Variants in TNS3 observed in about 807,000 individuals in gnomAD.
TNS3 encodes the protein tensin 3.
A neutral mutation model predicts 140.9 loss-of-function variants in TNS3; 45 were observed. The ratio of observed to expected loss-of-function variants is 0.32; its 90% CI spans 0.25 to 0.41. TNS3 has a LOEUF of 0.41. TNS3 is among the 10% of genes least tolerant of loss of function. TNS3 has a pLI of 1.00. For missense variants in TNS3, 1,716 were observed against 1,906.7 expected (o/e 0.90, Z 1.86); for synonymous variants, 815 against 788.4 (o/e 1.03, Z -0.56).
At chr7:47,454,967 G>A (rs1041871098) in intron 4 of TNS3, among the ~76,000 whole-genome samples, 2 of 152,150 alleles carry the variant, frequency 1.3e-5, no homozygotes, top group African/African-American at 4.8e-5. Flanking sequence ...CTGCAGAGCT[G>A]CGTTCTGTCC....
At chr7:47,504,114 G>T (rs1232222186) in intron 3 of TNS3, among the ~76,000 whole-genome samples, 2 of 152,198 alleles carry the variant, frequency 1.3e-5, no homozygotes, top group Admixed American at 6.5e-5. Flanking sequence ...TCCAAGTCCA[G>T]GTCTCTGCCT....
intron 18 of TNS3, among the ~76,000 whole-genome samples, chr7:47,345,653 G>A (rs1789292936): frequency 6.6e-6 from 1 of 152,030 alleles, no homozygotes; most frequent in Non-Finnish European, 1.5e-5. Context: ...GCCTTACCTA[G>A]GCCTCTTGGA....
chr7:47,316,777 CAAAAAAAAAA>C (rs766794024), intron 20 of TNS3, among the ~76,000 whole-genome samples: 1 of 55,994 alleles, frequency 1.8e-5, no homozygotes, highest in Non-Finnish European at 4.1e-5. Context: ...GACTCCATCT[CAAAAAAAAAA>C]AAAAAAAAAA....
chr7:47,559,855 G>A (rs1457288647), intron 1 of TNS3, among the ~76,000 whole-genome samples: 2 of 152,180 alleles, frequency 1.3e-5, no homozygotes, highest in Non-Finnish European at 2.9e-5. Context: ...GGAAACCCTG[G>A]CCTTCACATT....
At chr7:47,406,712 A>G (rs1245131123) in intron 13 of TNS3, among the ~76,000 whole-genome samples, 1 of 152,124 alleles carries the variant, frequency 6.6e-6, no homozygotes, top group Non-Finnish European at 1.5e-5. Flanking sequence ...GCTCGTTAGG[A>G]TCCTCTCCAA....
Position 47,476,276 on chromosome 7 carries a change from G to A in TNS3, c.-76+4827C>T, listed in dbSNP as rs551162229. Among the ~76,000 whole-genome samples the A allele has an allele frequency of 3.6e-4, 55 of 152,274 alleles. No individual in the cohort carries two copies. The South Asian group carries it at 8.7e-3, about 24-fold the overall frequency. On this transcript the variant is annotated intron_variant, in intron 4 of 30. Transcript: ENST00000311160. ...ACACAGCTCACCAGTGTCATACCCC[G>A]GATGGGACTCAACCCAACTCTAGTC...
At chr7:47,510,398 G>A (rs12333417) in intron 2 of TNS3, among the ~76,000 whole-genome samples, 1,599 of 152,272 alleles carry the variant, frequency 0.011, 18 homozygotes, top group African/African-American at 0.036. Flanking sequence ...GCAGTTGTGT[G>A]AGCTGGCAGC....
chr7:47,306,643 C>T (rs1053805730), intron 20 of TNS3, among the ~76,000 whole-genome samples: 14 of 151,782 alleles, frequency 9.2e-5, no homozygotes, highest in Admixed American at 1.3e-4. Context: ...GGCGTGATCT[C>T]GACTCACTGC....
At chr7:47,289,384 C>A (rs1039725266) in intron 27 of TNS3, among the ~76,000 whole-genome samples, 1 of 152,180 alleles carries the variant, frequency 6.6e-6, no homozygotes, top group Non-Finnish European at 1.5e-5. Context: ...TGAAAGTCAG[C>A]AGTCCCCACT....
intron 2 of TNS3, among the ~76,000 whole-genome samples, chr7:47,508,842 T>A (rs1798509347): frequency 6.6e-6 from 1 of 152,188 alleles, no homozygotes; most frequent in South Asian, 2.1e-4. Context: ...AGCAGCCCTG[T>A]GGAGAGGCCC....
intron 20 of TNS3, among the ~76,000 whole-genome samples, chr7:47,320,098 A>G (rs997318107): frequency 1.3e-4 from 20 of 152,232 alleles, no homozygotes; most frequent in African/African-American, 4.6e-4. Context: ...TTCAGAAAAC[A>G]TAAGTTATCT....
At chr7:47,383,914 A>C (rs951654903) in intron 16 of TNS3, among the ~76,000 whole-genome samples, 3 of 152,174 alleles carry the variant, frequency 2.0e-5, no homozygotes, top group African/African-American at 4.8e-5. Context: ...CATTACCTGG[A>C]CTGCAGGTCA....
At chr7:47,386,527 T>C (rs914782894) in intron 16 of TNS3, among the ~76,000 whole-genome samples, 3 of 152,200 alleles carry the variant, frequency 2.0e-5, no homozygotes, top group African/African-American at 4.8e-5. Flanking sequence ...CTGGCTCACA[T>C]AGCAAAGTGG....
At chr7:47,437,238 G>A in intron 7 of TNS3, 25 bp downstream of exon 7, 1 of 1,519,172 alleles carries the variant, frequency 6.6e-7, no homozygotes, top group Non-Finnish European at 8.9e-7. Flanking sequence ...ACAAAATGCA[G>A]AATATAAAGG....
chr7:47,446,136 TAG>T (rs1795717222), intron 4 of TNS3, among the ~76,000 whole-genome samples: 1 of 152,182 alleles, frequency 6.6e-6, no homozygotes, highest in African/African-American at 2.4e-5. Context: ...TGTTTTGAGA[TAG>T]AGTCTTGCTG....
chr7:47,364,722 GT>G (rs1562641211), intron 17 of TNS3, among the ~76,000 whole-genome samples: 1 of 152,220 alleles, frequency 6.6e-6, no homozygotes. Flanking sequence ...CAAGAGGCAC[GT>G]CCTGGAAGAG....
At chr7:47,319,415 CAG>C (rs144100178) in intron 20 of TNS3, among the ~76,000 whole-genome samples, 123 of 147,430 alleles carry the variant, frequency 8.3e-4, no homozygotes, top group Admixed American at 8.8e-4. Context: ...GAGAGAGAGA[CAG>C]AGAGAGAGAG....
At chr7:47,508,646 G>C (rs1006863322) in intron 2 of TNS3, among the ~76,000 whole-genome samples, 1 of 152,236 alleles carries the variant, frequency 6.6e-6, no homozygotes, top group African/African-American at 2.4e-5. Context: ...GGGTGACCTC[G>C]TCTCTTGGCC....
chr7:47,473,904 C>G (rs1262114784), intron 4 of TNS3, among the ~76,000 whole-genome samples: 1 of 152,150 alleles, frequency 6.6e-6, no homozygotes, highest in African/African-American at 2.4e-5. Context: ...AGCTCCTCAT[C>G]ATCCATTTGG....
Sources: allele counts gnomAD v4.1 joint callset (sites outside exome capture counted in the v4.1 genomes callset), GRCh38; gene constraint gnomAD v4.1.1; transcripts MANE v1.5; gene names NCBI Gene and HGNC (gene_info 2026-07-23, HGNC 2026-07-21).